SMYD3: variants seen among roughly 807,000 people sequenced by gnomAD.
SMYD3 encodes histone-lysine N-methyltransferase SMYD3.
A neutral mutation model predicts 57.7 loss-of-function variants in SMYD3; 36 were observed. That is an observed-to-expected ratio of 0.62 (90% CI 0.48 to 0.82). The LOEUF (loss-of-function observed/expected upper bound fraction) is 0.82, where lower values mean the gene tolerates loss of function less well. SMYD3 is among the 40% of genes least tolerant of loss of function. The pLI is 0.00. For synonymous variants in SMYD3, 211 were observed against 195.0 expected (o/e 1.08, Z -0.68); for missense variants, 515 against 538.8 (o/e 0.96, Z 0.44).
Position 245,858,975 on chromosome 1 carries a change from T to A in SMYD3, c.902-305A>T, listed in dbSNP as rs9287184. On this transcript the variant is annotated intron_variant, in intron 9 of 11. Coordinates refer to ENST00000490107, the MANE Select transcript of SMYD3 (RefSeq NM_001167740.2). ...GATGTGTTCTCTTTAAATCTAGTCA[T>A]AAATAAATGCAGTCCTTTATTAAAT... Among the ~76,000 whole-genome samples, 5,270 of 152,336 alleles carry A rather than the reference T, an allele frequency of 0.035. 303 individuals carry two copies. The highest frequency in any genetic ancestry group is 0.12 in the African/African-American group (5,001 of 41,548).
At chr1:246,068,574 C>G (rs1020150859) in intron 5 of SMYD3, among the ~76,000 whole-genome samples, 2 of 152,258 alleles carry the variant, frequency 1.3e-5, no homozygotes, top group East Asian at 3.9e-4. Flanking sequence ...AGAGACGGAG[C>G]GCAGGGTGCC....
intron 8 of SMYD3, among the ~76,000 whole-genome samples, chr1:245,875,728 T>G (rs1330864933): frequency 6.6e-6 from 1 of 152,254 alleles, no homozygotes; most frequent in Non-Finnish European, 1.5e-5. Context: ...GTTTTTGTTT[T>G]CATTTTGGGT....
intron 5 of SMYD3, among the ~76,000 whole-genome samples, chr1:246,020,184 G>T (rs2059447579): frequency 6.6e-6 from 1 of 152,208 alleles, no homozygotes; most frequent in Non-Finnish European, 1.5e-5. Context: ...ACAGCAGACT[G>T]CTGACTGCAA....
At position 246,401,375 on chromosome 1, in the gene SMYD3, C is replaced by T. The variant is rs547509086; in HGVS notation, c.165-46281G>A. ...TTGAGACACAGTCTTGCTCTGTGGC[C>T]CAGGCTGGAGTGCAGTGGTGCAATC... is the stretch of plus-strand genomic sequence containing the variant. On this transcript the variant is annotated intron_variant, in intron 1 of 11. Coordinates refer to ENST00000490107, the MANE Select transcript of SMYD3 (RefSeq NM_001167740.2). Among the ~76,000 whole-genome samples the T allele has an allele frequency of 2.0e-5, 3 of 152,164 alleles. No individual in the cohort carries two copies. The East Asian group carries it at 5.8e-4, about 29-fold the overall frequency.
intron 5 of SMYD3, among the ~76,000 whole-genome samples, chr1:246,257,934 A>C (rs2063927908): frequency 6.6e-6 from 1 of 152,146 alleles, no homozygotes; most frequent in Non-Finnish European, 1.5e-5. Context: ...CATGAGTAAA[A>C]GTTCCTTGAG....
intron 1 of SMYD3, among the ~76,000 whole-genome samples, chr1:246,403,280 G>C (rs2066802354): frequency 1.3e-5 from 2 of 152,006 alleles, no homozygotes; most frequent in Non-Finnish European, 2.9e-5. Flanking sequence ...GACTGCTTTA[G>C]GCCAGGAGTT....
intron 2 of SMYD3, among the ~76,000 whole-genome samples, chr1:246,354,356 AT>A (rs1192793157): frequency 1.3e-5 from 2 of 152,240 alleles, no homozygotes; most frequent in African/African-American, 4.8e-5. Context: ...TCTTGGCAGG[AT>A]ATTTGGCATT....
chr1:246,194,279 T>A (rs1194855778), intron 5 of SMYD3, among the ~76,000 whole-genome samples: 1 of 151,946 alleles, frequency 6.6e-6, no homozygotes, highest in Non-Finnish European at 1.5e-5. Context: ...TTTGTTTTTT[T>A]TTTTTTGACA....
rs573168546 is a variant in SMYD3, at chr1:246,466,988, C to G, written c.164+40066G>C. Reference sequence around the variant, plus strand: ...TTCAAAATCAGTCTGGCCATCATGGCAAAACCTCATCTCTACTAAAAAGAC... The same window carrying G: ...TTCAAAATCAGTCTGGCCATCATGGGAAAACCTCATCTCTACTAAAAAGAC... On this transcript the variant is annotated intron_variant, in intron 1 of 11. Transcript: ENST00000490107. 3.0e-3 allele frequency among the ~76,000 whole-genome samples: 455 copies of G among 152,040 alleles called. 1 individual carries two copies. Among genetic ancestry groups the G allele is most frequent in the African/African-American group, 0.01 (421 of 41,358 alleles).
chr1:246,206,361 A>G (rs2062999910), intron 5 of SMYD3, among the ~76,000 whole-genome samples: 1 of 152,160 alleles, frequency 6.6e-6, no homozygotes, highest in Admixed American at 6.5e-5. Flanking sequence ...GTTCTGGGCT[A>G]TCTCTTAAGT....
At chr1:246,162,744 G>T (rs767769671) in intron 5 of SMYD3, among the ~76,000 whole-genome samples, 5 of 152,096 alleles carry the variant, frequency 3.3e-5, no homozygotes, top group Non-Finnish European at 7.4e-5. Context: ...AGAGACTAGT[G>T]GTATGGTCAG....
At chr1:246,432,528 C>A (rs1035452160) in intron 1 of SMYD3, among the ~76,000 whole-genome samples, 1 of 152,202 alleles carries the variant, frequency 6.6e-6, no homozygotes, top group Non-Finnish European at 1.5e-5. Context: ...CAAGAAACAG[C>A]AGGAGATTCT....
At chr1:245,849,643 T>C (rs1172790553) in intron 10 of SMYD3, among the ~76,000 whole-genome samples, 2 of 137,480 alleles carry the variant, frequency 1.5e-5, no homozygotes, top group African/African-American at 5.4e-5. Flanking sequence ...ATTTTATTTA[T>C]TTTATTTTAT....
chr1:245,793,121 A>G (rs530509791), intron 10 of SMYD3, among the ~76,000 whole-genome samples: 1,545 of 145,100 alleles, frequency 0.011, 15 homozygotes, highest in African/African-American at 0.015. Context: ...CATCCTGGCT[A>G]ACACGGTGAA....
At chr1:246,354,443 G>T (rs573309943) in intron 2 of SMYD3, among the ~76,000 whole-genome samples, 2 of 152,190 alleles carry the variant, frequency 1.3e-5, no homozygotes, top group East Asian at 3.9e-4. Flanking sequence ...ATAATTTGGG[G>T]AAGTGTGCAA....
At chr1:246,465,234 A>C (rs557720536) in intron 1 of SMYD3, among the ~76,000 whole-genome samples, 1 of 152,374 alleles carries the variant, frequency 6.6e-6, no homozygotes, top group East Asian at 1.9e-4. Context: ...TTTCTTGTCA[A>C]ATCTGTTTCA....
rs142439673 is a variant in SMYD3, at chr1:246,019,696, A to G, written c.532-89759T>C. On this transcript the variant is annotated intron_variant, in intron 5 of 11. Transcript: ENST00000490107. The stretch of plus-strand genomic sequence containing the variant: ...TCCATCTGTGCTATCTTAAATGCCA[A>G]TGAAAGAAAAATGTAATTATTAATT... 3.5e-4 allele frequency among the ~76,000 whole-genome samples: 53 copies of G among 152,340 alleles called. 2 individuals carry two copies. The East Asian group carries it at 9.8e-3, about 28-fold the overall frequency.
chr1:245,751,619 A>AGAG (rs750326319), intron 11 of SMYD3, among the ~76,000 whole-genome samples: 4,150 of 130,456 alleles, frequency 0.032, 163 homozygotes, highest in Admixed American at 0.12. Context: ...AGAGAGAGAG[A>AGAG]AAAAGAGAGA....
chr1:246,090,520 C>CT (rs1460851329), intron 5 of SMYD3, among the ~76,000 whole-genome samples: 21,017 of 139,752 alleles, frequency 0.15, 2,969 homozygotes, highest in African/African-American at 0.37. Context: ...CTTTCTCTCT[C>CT]TCTTTTTTTT....
Sources: gnomAD v4.1 joint callset for allele counts (sites outside exome capture counted in the v4.1 genomes callset) on GRCh38, gnomAD v4.1.1 for gene constraint, MANE v1.5 for transcripts, NCBI Gene and HGNC (gene_info 2026-07-23, HGNC 2026-07-21) for gene names.